The following DIP2B variants were observed in gnomAD, a reference collection of about 807,000 sequenced individuals.
DIP2B encodes disco-interacting protein 2 homolog B.
In DIP2B, 76 loss-of-function variants were observed where a neutral mutation model predicts 198.0. That is an observed-to-expected ratio of 0.38 (90% CI 0.32 to 0.46). DIP2B has a LOEUF of 0.46. Ranked by LOEUF, DIP2B falls within the 20% of genes least tolerant of loss-of-function variation. The pLI is 0.99. For missense variants in DIP2B, 1,559 were observed against 1,978.4 expected, an observed-to-expected ratio of 0.79 and a Z score of 4.02; for synonymous variants, 701 against 739.1, an observed-to-expected ratio of 0.95 and a Z score of 0.84.
At chr12:50,659,066 G>A (rs570276940) in intron 3 of DIP2B, among the ~76,000 whole-genome samples, 3 of 152,186 alleles carry the variant, frequency 2.0e-5, no homozygotes, top group Non-Finnish European at 4.4e-5. Context: ...CAGCCTGGGC[G>A]ACAGAGCGAC....
intron 11 of DIP2B, 110 bp from the exon 12 acceptor site, chr12:50,686,463 A>T: frequency 5.7e-6 from 5 of 879,928 alleles, no homozygotes. Flanking sequence ...TATTTTATTG[A>T]TTATAAAATG....
At chr12:50,614,424 C>G (rs907300436) in intron 1 of DIP2B, among the ~76,000 whole-genome samples, 7 of 152,114 alleles carry the variant, frequency 4.6e-5, no homozygotes, top group African/African-American at 1.7e-4. Context: ...TGATATCATT[C>G]ACACCCAAGG....
Position 50,691,119 on chromosome 12 carries a change from A to G in DIP2B, c.1622A>G (p.Gln541Arg), listed in dbSNP as rs574401119. The change falls in exon 13 of 38, where the codon CAA (glutamine) becomes CGA (arginine). Residue 541 changes from glutamine to arginine, a missense_variant. Gln to Arg is a conservative substitution (Grantham distance 43). Transcript: ENST00000301180. ...VSRLAMLSHCQALSQACNYSE... is the reference protein window; with the variant it reads ...VSRLAMLSHCRALSQACNYSE... Reference sequence around the variant, plus strand: ...CGGCTTGCAATGTTGTCTCACTGCCAAGCTCTGTCGCAGGCCTGCAATTAT... The same window carrying G: ...CGGCTTGCAATGTTGTCTCACTGCCGAGCTCTGTCGCAGGCCTGCAATTAT... 6.2e-6 allele frequency: 10 copies of G among 1,613,984 alleles called. No homozygotes were observed. The highest frequency in any genetic ancestry group is 8.5e-6 in the Non-Finnish European group (10 of 1,180,014).
At chr12:50,710,429 G>GC (rs533985954) in intron 22 of DIP2B, among the ~76,000 whole-genome samples, 1 of 144,988 alleles carries the variant, frequency 6.9e-6, no homozygotes, top group African/African-American at 2.5e-5. Context: ...GTTTTGTTTT[G>GC]TTTTTTTTTT....
Position 50,747,599 on chromosome 12 carries a change from T to C in DIP2B, c.*2760T>C, listed in dbSNP as rs1294143423. ...TGTTCTCTTGATGACACAGTGCTCC[T>C]ACTCTATCCACATTAAGTAGCACTT... is the stretch of plus-strand genomic sequence containing the variant. On this transcript the variant is annotated 3_prime_UTR_variant, in exon 38 of 38. Coordinates refer to ENST00000301180, the MANE Select transcript of DIP2B (RefSeq NM_173602.3). 2.0e-5 allele frequency: 3 copies of C among 152,270 alleles called. No individual in the cohort carries two copies. The highest frequency in any genetic ancestry group is 4.4e-5 in the Non-Finnish European group (3 of 68,050). The allele number at this position is 152,270 out of a possible 1,614,324, so 9.4% of individuals were successfully genotyped here. A position where few individuals can be genotyped will look rare whatever the true frequency, so the allele number is the denominator to read the frequency against.
At chr12:50,540,068 T>G (rs1426813905) in intron 1 of DIP2B, among the ~76,000 whole-genome samples, 1 of 144,840 alleles carries the variant, frequency 6.9e-6, no homozygotes, top group Non-Finnish European at 1.5e-5. Context: ...TTTTTTTTTT[T>G]TTTTTTTTTT....
At chr12:50,718,923 C>A (rs1447760890) in intron 24 of DIP2B, 32 bp from the exon 25 acceptor site, 2 of 1,613,718 alleles carry the variant, frequency 1.2e-6, no homozygotes, top group Middle Eastern at 1.6e-4. Context: ...AAGTTGCTGA[C>A]CCTGAGTCCT....
At chr12:50,697,221 G>A in intron 17 of DIP2B, 46 bp downstream of exon 17, 1 of 1,552,920 alleles carries the variant, frequency 6.4e-7, no homozygotes. Context: ...TTACAACTTG[G>A]ATGAAATGTG....
chr12:50,631,183 G>T (rs1302957281), intron 2 of DIP2B, among the ~76,000 whole-genome samples: 1 of 151,612 alleles, frequency 6.6e-6, no homozygotes, highest in Admixed American at 6.6e-5. Context: ...GGAGTGCGGT[G>T]CTGTGATCTT....
At chr12:50,521,744 A>C (rs1325117637) in intron 1 of DIP2B, among the ~76,000 whole-genome samples, 2 of 150,826 alleles carry the variant, frequency 1.3e-5, no homozygotes, top group Admixed American at 1.3e-4. Flanking sequence ...GATCCACTCC[A>C]ACCGCCCCTC....
intron 1 of DIP2B, among the ~76,000 whole-genome samples, chr12:50,535,692 TA>T (rs1226253609): frequency 6.6e-6 from 1 of 151,862 alleles, no homozygotes; most frequent in Admixed American, 6.6e-5. Flanking sequence ...TTTTTTTTTT[TA>T]AATTTTATTT....
Position 50,516,241 on chromosome 12 carries a change from C to CTA in DIP2B, c.100+11002_100+11003insAT, listed in dbSNP as rs1555180928. On this transcript the variant is annotated intron_variant, in intron 1 of 37. Coordinates refer to ENST00000301180, the MANE Select transcript of DIP2B (RefSeq NM_173602.3). ...TCTCTCTCTCTCTCTCTCTCTCTCT[C>CTA]TCTCTATCTCTATCTCTATCTCTAT... Among the ~76,000 whole-genome samples the CTA allele has an allele frequency of 6.1e-3, 865 of 141,062 alleles. 8 individuals are homozygous for CTA. The highest frequency in any genetic ancestry group is 0.019 in the East Asian group (94 of 4,858). 92.5% of individuals were successfully genotyped at this position (141,062 alleles called of 152,430 possible). A position where few individuals can be genotyped will look rare whatever the true frequency, so the allele number is the denominator to read the frequency against.
chr12:50,522,263 A>C (rs542311746), intron 1 of DIP2B, among the ~76,000 whole-genome samples: 27 of 152,336 alleles, frequency 1.8e-4, no homozygotes, highest in African/African-American at 6.3e-4. Context: ...GGCCTCCCAA[A>C]GTGCTGGAAT....
At chr12:50,733,050 C>T (rs1227938017) in intron 32 of DIP2B, among the ~76,000 whole-genome samples, 6 of 151,872 alleles carry the variant, frequency 4.0e-5, no homozygotes, top group African/African-American at 1.2e-4. Flanking sequence ...GGATTACAGG[C>T]GTGTACCACC....
At chr12:50,716,495 T>A (rs1939718851) in intron 23 of DIP2B, among the ~76,000 whole-genome samples, 1 of 152,116 alleles carries the variant, frequency 6.6e-6, no homozygotes, top group African/African-American at 2.4e-5. Context: ...GCCACTGCAC[T>A]CCAGCCTGGG....
chr12:50,660,092 T>C, intron 3 of DIP2B, 102 bp from the exon 4 acceptor site: 1 of 782,328 alleles, frequency 1.3e-6, no homozygotes, highest in Non-Finnish European at 1.7e-6. Context: ...CCCTTTACCT[T>C]TTTTTTTTTT....
intron 19 of DIP2B, among the ~76,000 whole-genome samples, chr12:50,701,748 A>G (rs923270543): frequency 1.3e-5 from 2 of 151,894 alleles, no homozygotes; most frequent in African/African-American, 4.8e-5. Flanking sequence ...AGGGAGAAAA[A>G]CTTTTGTGAC....
chr12:50,740,167 A>G (rs1247663852), intron 36 of DIP2B, among the ~76,000 whole-genome samples: 4 of 152,256 alleles, frequency 2.6e-5, no homozygotes, highest in African/African-American at 9.6e-5. Context: ...CCATTTAAAA[A>G]TACCCAACAC....
chr12:50,683,939 C>T (rs144426176), intron 10 of DIP2B, among the ~76,000 whole-genome samples: 13 of 152,056 alleles, frequency 8.5e-5, no homozygotes, highest in Non-Finnish European at 1.6e-4. Flanking sequence ...TAGGGAGACC[C>T]CATCTCTATA....
Sources: allele counts gnomAD v4.1 joint callset (sites outside exome capture counted in the v4.1 genomes callset), GRCh38; gene constraint gnomAD v4.1.1; transcripts MANE v1.5; gene names NCBI Gene and HGNC (gene_info 2026-07-23, HGNC 2026-07-21).